Variants in BFAR observed in about 807,000 individuals in gnomAD.
BFAR encodes bifunctional apoptosis regulator.
BFAR carries 52 observed loss-of-function variants against 54.4 expected under a neutral mutation model. The ratio of observed to expected loss-of-function variants is 0.96; its 90% CI spans 0.77 to 1.21. BFAR has a LOEUF of 1.21. BFAR is among the 50% of genes most tolerant of loss of function. The probability of loss-of-function intolerance (pLI) is 0.00; values close to 1 mark genes in which losing one functional copy is unlikely to be tolerated. For synonymous variants in BFAR, 215 were observed against 204.3 expected (o/e 1.05, Z -0.45); for missense variants, 571 against 534.0 (o/e 1.07, Z -0.68).
At chr16:14,647,304 G>A (rs923604647) in intron 2 of BFAR, among the ~76,000 whole-genome samples, 10 of 151,224 alleles carry the variant, frequency 6.6e-5, no homozygotes, top group Admixed American at 2.6e-4. Context: ...AGGCTGGTCT[G>A]GAACTCCTGA....
Position 14,661,835 on chromosome 16 carries a change from G to C in BFAR, c.784-57G>C. 3.2e-6 allele frequency: 5 copies of C among 1,578,886 alleles called. No homozygotes were observed. The Admixed American group carries it at 8.4e-5, about 27-fold the overall frequency. On this transcript the variant is annotated intron_variant, in intron 5 of 7. Coordinates refer to ENST00000261658, the MANE Select transcript of BFAR (RefSeq NM_016561.3). Reference sequence around the variant, plus strand: ...ACAAGCGAGAGATGGGAAGGAGCGTGGGTGGGTAGCTGGCCGCCATGGTTG... The same window carrying C: ...ACAAGCGAGAGATGGGAAGGAGCGTCGGTGGGTAGCTGGCCGCCATGGTTG...
Position 14,669,224 on chromosome 16 carries a change from T to G in BFAR, c.*1397T>G, listed in dbSNP as rs1219091039. The G allele has an allele frequency of 6.7e-6, 2 of 299,542 alleles. No homozygotes were observed. Among genetic ancestry groups the G allele is most frequent in the African/African-American group, 4.4e-5 (2 of 45,720 alleles). 18.6% of individuals were successfully genotyped at this position (299,542 alleles called of 1,614,324 possible). ...TGAAATAAAAATAAAGATTTCTATA[T>G]AGATAAAACCTATATGTAGAGAAAA... On this transcript the variant is annotated 3_prime_UTR_variant, in exon 8 of 8. Coordinates refer to ENST00000261658, the MANE Select transcript of BFAR (RefSeq NM_016561.3).
At chr16:14,645,132 G>A (rs1380818652) in intron 2 of BFAR, among the ~76,000 whole-genome samples, 3 of 151,970 alleles carry the variant, frequency 2.0e-5, no homozygotes, top group Non-Finnish European at 2.9e-5. Context: ...TGGGCAACAC[G>A]GTGAGTCCTT....
At chr16:14,638,510 G>A (rs1959522723) in intron 1 of BFAR, among the ~76,000 whole-genome samples, 1 of 152,154 alleles carries the variant, frequency 6.6e-6, no homozygotes, top group Non-Finnish European at 1.5e-5. Flanking sequence ...TTGAGTGAAG[G>A]GGTGCAACCA....
At chr16:14,666,643 C>T (rs1960449175) in intron 7 of BFAR, among the ~76,000 whole-genome samples, 1 of 152,166 alleles carries the variant, frequency 6.6e-6, no homozygotes, top group Non-Finnish European at 1.5e-5. Context: ...GCCACCCTTG[C>T]AGCCTTTTAC....
chr16:14,667,095 C>T (rs1471496882), intron 7 of BFAR, among the ~76,000 whole-genome samples: 3 of 151,906 alleles, frequency 2.0e-5, no homozygotes, highest in African/African-American at 7.3e-5. Flanking sequence ...CCCAGCTACT[C>T]GGGAGGTTGA....
chr16:14,651,881 T>G (rs1959978764), intron 4 of BFAR, among the ~76,000 whole-genome samples: 2 of 41,580 alleles, frequency 4.8e-5, no homozygotes, highest in South Asian at 5.9e-4. Flanking sequence ...ACATGCCCAA[T>G]TTTTTTTTTT....
rs950658601 is a variant in BFAR, at chr16:14,667,620, C to T, written c.1161-15C>T. 11 of 1,610,270 alleles carry T rather than the reference C, an allele frequency of 6.8e-6. No individual in the cohort carries two copies. The highest frequency in any genetic ancestry group is 1.7e-4 in the Middle Eastern group (1 of 5,760). ...AGAAGCGCCTCCGATTCAGCCTCTT[C>T]TCTTCTTGTTTCAGGACCGTGCCTC... On this transcript the variant is annotated splice_polypyrimidine_tract_variant and intron_variant, in intron 7 of 7. Transcript: ENST00000261658.
intron 2 of BFAR, among the ~76,000 whole-genome samples, chr16:14,647,968 A>T (rs1369594457): frequency 6.6e-6 from 1 of 152,086 alleles, no homozygotes; most frequent in Non-Finnish European, 1.5e-5. Flanking sequence ...GGCTGGGTGC[A>T]GTGGCTCATG....
chr16:14,640,559 G>GA (rs536010922), intron 1 of BFAR, among the ~76,000 whole-genome samples: 35 of 152,202 alleles, frequency 2.3e-4, no homozygotes, highest in African/African-American at 8.2e-4. Flanking sequence ...AGAAAAGGGA[G>GA]AAAAAACACC....
At chr16:14,633,824 T>C (rs1959345203) in intron 1 of BFAR, among the ~76,000 whole-genome samples, 1 of 152,122 alleles carries the variant, frequency 6.6e-6, no homozygotes, top group African/African-American at 2.4e-5. Flanking sequence ...GGCTGATTTT[T>C]GTATTTTTAG....
intron 1 of BFAR, among the ~76,000 whole-genome samples, chr16:14,638,523 A>T (rs575602101): frequency 1.6e-4 from 24 of 152,388 alleles, no homozygotes; most frequent in East Asian, 7.7e-4. Context: ...TGCAACCATG[A>T]TCATATACTG....
At chr16:14,647,467 C>T (rs1959834589) in intron 2 of BFAR, among the ~76,000 whole-genome samples, 1 of 151,788 alleles carries the variant, frequency 6.6e-6, no homozygotes, top group Admixed American at 6.6e-5. Flanking sequence ...AGGACCGAGG[C>T]AGGCGGATCT....
chr16:14,635,958 C>T (rs1399455103), intron 1 of BFAR, among the ~76,000 whole-genome samples: 2 of 152,066 alleles, frequency 1.3e-5, no homozygotes, highest in African/African-American at 2.4e-5. Context: ...ATGGGAGAGC[C>T]GGCTTTTGTC....
At chr16:14,638,452 A>G (rs1959520938) in intron 1 of BFAR, among the ~76,000 whole-genome samples, 1 of 152,254 alleles carries the variant, frequency 6.6e-6, no homozygotes, top group Admixed American at 6.5e-5. Flanking sequence ...CCTTAAAAGG[A>G]TCATTCTTAA....
rs370124401 is a variant in BFAR, at chr16:14,655,213, G to A, written c.783+3G>A. The A allele has an allele frequency of 1.4e-6, 2 of 1,392,972 alleles. No homozygotes were observed. Among genetic ancestry groups the A allele is most frequent in the Non-Finnish European group, 1.9e-6 (2 of 1,063,544 alleles). The allele number at this position is 1,392,972 out of a possible 1,614,324, so 86.3% of individuals were successfully genotyped here. On this transcript the variant is annotated splice_donor_region_variant and intron_variant, in intron 5 of 7. Coordinates refer to ENST00000261658, the MANE Select transcript of BFAR (RefSeq NM_016561.3). Reference sequence around the variant, plus strand: ...CCCAGAATCTCTGGGAATATAAGGTGAACACTTTAATTTTTTTTTTTTTTT... The same window carrying A: ...CCCAGAATCTCTGGGAATATAAGGTAAACACTTTAATTTTTTTTTTTTTTT...
intron 3 of BFAR, 116 bp from the exon 4 acceptor site, chr16:14,649,688 G>T (rs1395839533): frequency 2.2e-6 from 2 of 908,524 alleles, no homozygotes; most frequent in East Asian, 2.6e-5. Flanking sequence ...CTGTGTACGG[G>T]CTCCGCATCA....
At chr16:14,633,721 C>T (rs540107606) in intron 1 of BFAR, among the ~76,000 whole-genome samples, 1 of 152,270 alleles carries the variant, frequency 6.6e-6, no homozygotes, top group Admixed American at 6.5e-5. Context: ...GGAGCAATCT[C>T]GGCTCACTGC....
chr16:14,634,285 G>C (rs1238090091), intron 1 of BFAR, among the ~76,000 whole-genome samples: 1 of 152,316 alleles, frequency 6.6e-6, no homozygotes, highest in East Asian at 1.9e-4. Context: ...TGTCGCTGCT[G>C]TTTTCTCAAC....
Sources: gnomAD v4.1 joint callset for allele counts (sites outside exome capture counted in the v4.1 genomes callset) on GRCh38, gnomAD v4.1.1 for gene constraint, MANE v1.5 for transcripts, NCBI Gene and HGNC (gene_info 2026-07-23, HGNC 2026-07-21) for gene names.